CSMD1: variants seen among roughly 807,000 people sequenced by gnomAD.
The protein encoded by CSMD1 is CUB and Sushi multiple domains 1.
Under a neutral mutation model 417.5 loss-of-function variants are expected in CSMD1, and 213 were observed. The ratio of observed to expected loss-of-function variants is 0.51; its 90% CI spans 0.46 to 0.57. The LOEUF is 0.57. Among genes scored for constraint, CSMD1 ranks in the 20% least tolerant of loss-of-function variants. The pLI is 0.00. For missense variants in CSMD1, 6,923 were observed against 4,529.7 expected, an observed-to-expected ratio of 1.53 and a Z score of -15.17; for synonymous variants, 2,862 against 1,736.8, an observed-to-expected ratio of 1.65 and a Z score of -16.11.
chr8:3,916,320 C>T (rs2954621), intron 5 of CSMD1, among the ~76,000 whole-genome samples: 100,878 of 151,888 alleles, frequency 0.66, 34,124 homozygotes, highest in African/African-American at 0.79. Context: ...AGCACTACGC[C>T]GGATATTTAT....
intron 54 of CSMD1, among the ~76,000 whole-genome samples, chr8:2,979,747 G>C (rs1296818127): frequency 1.3e-5 from 2 of 152,200 alleles, no homozygotes; most frequent in Non-Finnish European, 1.5e-5. Context: ...TTCCCTTTTA[G>C]TGCAGTAGAA....
intron 6 of CSMD1, among the ~76,000 whole-genome samples, chr8:3,736,267 G>C (rs780091752): frequency 1.3e-5 from 2 of 151,822 alleles, no homozygotes; most frequent in Middle Eastern, 3.4e-3. Flanking sequence ...TTTTTGACAG[G>C]GTCTCACTGT....
chr8:4,085,188 G>A (rs1473428892), intron 3 of CSMD1, among the ~76,000 whole-genome samples: 1 of 152,192 alleles, frequency 6.6e-6, no homozygotes, highest in Non-Finnish European at 1.5e-5. Flanking sequence ...TGGCAGCACA[G>A]TGCCTGCAAC....
intron 3 of CSMD1, among the ~76,000 whole-genome samples, chr8:4,246,781 TTTGAAATGTA>T (rs1188696015): frequency 2.0e-5 from 3 of 152,202 alleles, no homozygotes; most frequent in African/African-American, 7.2e-5. Flanking sequence ...TTTTAAGACA[TTTGAAATGTA>T]AAGAAATGTA....
intron 1 of CSMD1, among the ~76,000 whole-genome samples, chr8:4,695,685 T>C (rs1003393507): frequency 1.3e-5 from 2 of 152,182 alleles, no homozygotes; most frequent in Admixed American, 1.3e-4. Context: ...TGATACATCA[T>C]TATCACTCAA....
At chr8:3,215,043 T>C (rs562808840) in intron 29 of CSMD1, among the ~76,000 whole-genome samples, 42 of 152,322 alleles carry the variant, frequency 2.8e-4, no homozygotes, top group Non-Finnish European at 5.0e-4. Flanking sequence ...AAAAATTGAC[T>C]CTGGAAAAAT....
At chr8:4,680,973 T>A (rs201079280) in intron 1 of CSMD1, among the ~76,000 whole-genome samples, 353 of 138,668 alleles carry the variant, frequency 2.5e-3, no homozygotes, top group South Asian at 6.9e-3. Flanking sequence ...TGTGTGTGTG[T>A]GTGAGAGAGA....
chr8:3,192,214 A>G (rs74555196), intron 33 of CSMD1, among the ~76,000 whole-genome samples: 5,076 of 152,340 alleles, frequency 0.033, 275 homozygotes, highest in African/African-American at 0.11. Context: ...ATGATTTATC[A>G]GAATCATTCT....
At chr8:3,865,242 C>G (rs760588442) in intron 5 of CSMD1, among the ~76,000 whole-genome samples, 1 of 152,192 alleles carries the variant, frequency 6.6e-6, no homozygotes, top group Non-Finnish European at 1.5e-5. Context: ...CCTCAACTAC[C>G]AACCAAGTAG....
chr8:4,845,722 C>T (rs985367479), intron 1 of CSMD1, among the ~76,000 whole-genome samples: 10 of 152,258 alleles, frequency 6.6e-5, no homozygotes, highest in Non-Finnish European at 1.3e-4. Context: ...TTGCCGAAAG[C>T]ACAGAGAGGG....
At chr8:4,335,572 G>C (rs1265218633) in intron 3 of CSMD1, among the ~76,000 whole-genome samples, 6 of 152,020 alleles carry the variant, frequency 3.9e-5, no homozygotes, top group African/African-American at 7.2e-5. Flanking sequence ...GTCACTATCA[G>C]TCTTAGCTAA....
chr8:4,209,632 G>C (rs1800188811), intron 3 of CSMD1, among the ~76,000 whole-genome samples: 1 of 152,074 alleles, frequency 6.6e-6, no homozygotes, highest in South Asian at 2.1e-4. Flanking sequence ...CCCCGAATTG[G>C]GGCTTAGCCT....
At chr8:3,576,066 C>G (rs908848601) in intron 9 of CSMD1, among the ~76,000 whole-genome samples, 2 of 152,014 alleles carry the variant, frequency 1.3e-5, no homozygotes, top group South Asian at 4.2e-4. Flanking sequence ...CTCGTCATAG[C>G]CCATCCTCTA....
chr8:4,345,292 G>A (rs554365008), intron 3 of CSMD1, among the ~76,000 whole-genome samples: 1 of 152,122 alleles, frequency 6.6e-6, no homozygotes, highest in South Asian at 2.1e-4. Context: ...GAGGATTAAC[G>A]ATGTTTGAAC....
chr8:3,761,203 T>G (rs1043153260), intron 5 of CSMD1, among the ~76,000 whole-genome samples: 1 of 152,280 alleles, frequency 6.6e-6, no homozygotes, highest in South Asian at 2.1e-4. Flanking sequence ...CAATGAACTC[T>G]CATATTGCAA....
chr8:4,522,800 G>A (rs1331067035), intron 2 of CSMD1, among the ~76,000 whole-genome samples: 1 of 152,108 alleles, frequency 6.6e-6, no homozygotes, highest in East Asian at 1.9e-4. Flanking sequence ...GGCAAGGACT[G>A]CAGAAATAAG....
intron 7 of CSMD1, among the ~76,000 whole-genome samples, chr8:3,696,385 A>G (rs907476558): frequency 3.3e-5 from 5 of 152,204 alleles, no homozygotes; most frequent in African/African-American, 1.2e-4. Flanking sequence ...GTATACTTTC[A>G]CATATCTTCA....
chr8:3,711,742 C>G, intron 6 of CSMD1, among the ~76,000 whole-genome samples: 1 of 152,130 alleles, frequency 6.6e-6, no homozygotes, highest in Non-Finnish European at 1.5e-5. Context: ...AAATGGCAAA[C>G]GTATCACCCC....
intron 1 of CSMD1, among the ~76,000 whole-genome samples, chr8:4,773,357 T>G (rs532901924): frequency 3.0e-4 from 46 of 152,248 alleles, no homozygotes; most frequent in African/African-American, 1.1e-3. Context: ...GCTTTTTGTT[T>G]CAGGAAAGCA....
Sources: allele counts gnomAD v4.1 joint callset (sites outside exome capture counted in the v4.1 genomes callset), GRCh38; gene constraint gnomAD v4.1.1; transcripts MANE v1.5; gene names NCBI Gene and HGNC (gene_info 2026-07-23, HGNC 2026-07-21).